SLC6A11: variants seen among roughly 807,000 people sequenced by gnomAD.
The protein encoded by SLC6A11 is solute carrier family 6 member 11, also known as sodium- and chloride-dependent GABA transporter 3.
In SLC6A11, 25 loss-of-function variants were observed where a neutral mutation model predicts 74.8. The observed-to-expected ratio is 0.33, with a 90% confidence interval of 0.24 to 0.47. The LOEUF (loss-of-function observed/expected upper bound fraction) is 0.47, where lower values mean the gene tolerates loss of function less well. SLC6A11 is among the 20% of genes least tolerant of loss of function. The pLI is 1.00. For missense variants in SLC6A11, 574 were observed against 837.0 expected, an observed-to-expected ratio of 0.69 and a Z score of 3.88; for synonymous variants, 330 against 330.2, an observed-to-expected ratio of 1.00 and a Z score of 0.01.
At chr3:10,899,641 T>C (rs1439935826) in intron 6 of SLC6A11, among the ~76,000 whole-genome samples, 5 of 152,228 alleles carry the variant, frequency 3.3e-5, no homozygotes, top group Non-Finnish European at 2.9e-5. Context: ...CCTTTGCTTG[T>C]AGCATTTGTT....
At chr3:10,862,686 C>G (rs1490186644) in intron 5 of SLC6A11, among the ~76,000 whole-genome samples, 1 of 152,206 alleles carries the variant, frequency 6.6e-6, no homozygotes, top group African/African-American at 2.4e-5. Context: ...GCAATGGGAA[C>G]ATGCTGTGCC....
At chr3:10,859,575 A>T (rs1250210324) in intron 5 of SLC6A11, among the ~76,000 whole-genome samples, 2 of 152,020 alleles carry the variant, frequency 1.3e-5, no homozygotes, top group East Asian at 1.9e-4. Flanking sequence ...GTATGTTAGG[A>T]TTTCTTTTCC....
intron 5 of SLC6A11, among the ~76,000 whole-genome samples, chr3:10,855,013 G>A (rs1385308322): frequency 2.0e-5 from 3 of 151,988 alleles, no homozygotes. Flanking sequence ...AGATGGATGG[G>A]TGGATGGGTG....
intron 6 of SLC6A11, among the ~76,000 whole-genome samples, chr3:10,887,621 T>A (rs1256930935): frequency 6.6e-6 from 1 of 152,118 alleles, no homozygotes; most frequent in African/African-American, 2.4e-5. Flanking sequence ...AATTTTTGTA[T>A]TTTTAGTACA....
chr3:10,922,975 ATAAT>A (rs1695555586), intron 8 of SLC6A11, among the ~76,000 whole-genome samples: 1 of 152,064 alleles, frequency 6.6e-6, no homozygotes, highest in Admixed American at 6.6e-5. Context: ...TATTTTATAG[ATAAT>A]TAGTCAGATT....
chr3:10,891,905 A>C (rs1304685268), intron 6 of SLC6A11, among the ~76,000 whole-genome samples: 4 of 152,244 alleles, frequency 2.6e-5, no homozygotes, highest in African/African-American at 4.8e-5. Flanking sequence ...GTCCACCTCA[A>C]ATGGCTGTGG....
chr3:10,864,482 G>A (rs576580167), intron 5 of SLC6A11, among the ~76,000 whole-genome samples: 8 of 152,028 alleles, frequency 5.3e-5, no homozygotes, highest in South Asian at 2.1e-4. Context: ...TGGCACATCC[G>A]AAAGGTTGGA....
Position 10,889,896 on chromosome 3 carries a change from G to T in SLC6A11, c.891+14801G>T, listed in dbSNP as rs74470612. On this transcript the variant is annotated intron_variant, in intron 6 of 13. Transcript: ENST00000254488. ...CCACCTGCCCTCGCTCCCATGCCAG[G>T]GGGGAGAGAGAGAGAGAGGATCACT... Among the ~76,000 whole-genome samples, 5 of 152,232 alleles carry T rather than the reference G, an allele frequency of 3.3e-5. No homozygotes were observed. The East Asian group carries it at 9.7e-4, about 29-fold the overall frequency.
chr3:10,879,679 T>C (rs1035192836), intron 6 of SLC6A11, among the ~76,000 whole-genome samples: 4 of 152,206 alleles, frequency 2.6e-5, no homozygotes, highest in South Asian at 2.1e-4. Context: ...AACCGGGACA[T>C]AAACCATATC....
chr3:10,906,792 G>T (rs3821762), intron 6 of SLC6A11, among the ~76,000 whole-genome samples: 54,356 of 151,848 alleles, frequency 0.36, 11,163 homozygotes, highest in Non-Finnish European at 0.47. Flanking sequence ...TGGGAGAAAA[G>T]AATAGAGAAC....
At chr3:10,907,254 A>G (rs1048221641) in intron 6 of SLC6A11, among the ~76,000 whole-genome samples, 2 of 152,308 alleles carry the variant, frequency 1.3e-5, no homozygotes, top group South Asian at 4.1e-4. Flanking sequence ...CAGAAAAAGT[A>G]ACTAAAATGA....
chr3:10,860,149 G>A (rs573361437), intron 5 of SLC6A11, among the ~76,000 whole-genome samples: 1 of 152,116 alleles, frequency 6.6e-6, no homozygotes, highest in African/African-American at 2.4e-5. Context: ...CCCTATTTCT[G>A]TGCCTTTCTA....
At chr3:10,923,994 C>T (rs1695569192) in intron 8 of SLC6A11, among the ~76,000 whole-genome samples, 1 of 152,104 alleles carries the variant, frequency 6.6e-6, no homozygotes, top group African/African-American at 2.4e-5. Flanking sequence ...TTCTGCAAAA[C>T]AACAACCAGA....
At chr3:10,932,843 C>T (rs1194280214) in intron 10 of SLC6A11, among the ~76,000 whole-genome samples, 1 of 152,138 alleles carries the variant, frequency 6.6e-6, no homozygotes, top group Non-Finnish European at 1.5e-5. Context: ...TATACCCATC[C>T]AGGGAGAGGT....
At chr3:10,886,562 C>G (rs1358971282) in intron 6 of SLC6A11, among the ~76,000 whole-genome samples, 1 of 152,248 alleles carries the variant, frequency 6.6e-6, no homozygotes, top group African/African-American at 2.4e-5. Flanking sequence ...AATTCCAACA[C>G]TTTGGGAGGC....
intron 5 of SLC6A11, among the ~76,000 whole-genome samples, chr3:10,863,513 A>C (rs1291777532): frequency 6.6e-6 from 1 of 152,224 alleles, no homozygotes; most frequent in Non-Finnish European, 1.5e-5. Context: ...AGAGTGCCAG[A>C]GGCTGGATGT....
chr3:10,928,399 G>C (rs1419073672), intron 9 of SLC6A11, among the ~76,000 whole-genome samples: 1 of 152,126 alleles, frequency 6.6e-6, no homozygotes, highest in Non-Finnish European at 1.5e-5. Flanking sequence ...TCCTGAGTGG[G>C]GGACAAGAGT....
intron 4 of SLC6A11, chr3:10,825,624 C>T (rs371170271): frequency 4.1e-4 from 63 of 152,132 alleles, no homozygotes; most frequent in African/African-American, 1.4e-3. Flanking sequence ...TTTCCCTACC[C>T]CAAAGTTGAA....
chr3:10,908,070 G>C (rs1224959279), intron 6 of SLC6A11, among the ~76,000 whole-genome samples: 1 of 152,144 alleles, frequency 6.6e-6, no homozygotes, highest in Admixed American at 6.5e-5. Flanking sequence ...TTTCAAGGCT[G>C]CAGTGAGCCA....
Sources: gnomAD v4.1 joint callset for allele counts (sites outside exome capture counted in the v4.1 genomes callset) on GRCh38, gnomAD v4.1.1 for gene constraint, MANE v1.5 for transcripts, NCBI Gene and HGNC (gene_info 2026-07-23, HGNC 2026-07-21) for gene names.